Variants in RBFOX1 observed in about 807,000 individuals in gnomAD.
RBFOX1 encodes the protein RNA binding fox-1 homolog 1, also known as RNA binding protein fox-1 homolog 1.
RBFOX1 carries 8 observed loss-of-function variants against 57.7 expected under a neutral mutation model. The observed-to-expected ratio is 0.14, with a 90% CI of 0.08 to 0.25. The LOEUF (loss-of-function observed/expected upper bound fraction) is 0.25, where lower values mean the gene tolerates loss of function less well. Among genes scored for constraint, RBFOX1 ranks in the 10% least tolerant of loss-of-function variants. The pLI is 1.00. For missense variants in RBFOX1, 611 were observed against 548.5 expected, an observed-to-expected ratio of 1.11 and a Z score of -1.14; for synonymous variants, 326 against 222.4, an observed-to-expected ratio of 1.47 and a Z score of -4.15.
At chr16:7,627,980 C>T (rs1285426298) in intron 10 of RBFOX1, among the ~76,000 whole-genome samples, 1 of 151,386 alleles carries the variant, frequency 6.6e-6, no homozygotes, top group Non-Finnish European at 1.5e-5. Flanking sequence ...TTCTCAGAAT[C>T]CACAGCATTA....
intron 14 of RBFOX1, among the ~76,000 whole-genome samples, chr16:7,685,350 C>T (rs780815241): frequency 1.3e-5 from 2 of 152,138 alleles, no homozygotes; most frequent in African/African-American, 2.4e-5. Context: ...TGAGTGACTT[C>T]TTCCCTCTCC....
intron 11 of RBFOX1, 31 bp from the exon 12 acceptor site, chr16:7,653,784 C>T: frequency 8.6e-7 from 1 of 1,167,084 alleles, no homozygotes. Flanking sequence ...ACAGCCTGTG[C>T]TCTCTCTCTC....
At chr16:5,664,408 C>T (rs1008681566) in intron 3 of RBFOX1, among the ~76,000 whole-genome samples, 7 of 152,076 alleles carry the variant, frequency 4.6e-5, no homozygotes, top group African/African-American at 1.4e-4. Flanking sequence ...ATTAGCTGGG[C>T]ACGGTGGTGT....
chr16:6,965,246 G>T (rs559621585), intron 3 of RBFOX1, among the ~76,000 whole-genome samples: 2 of 152,060 alleles, frequency 1.3e-5, no homozygotes, highest in Admixed American at 6.6e-5. Context: ...ACTCATTTGG[G>T]TGTAAAAAAT....
At chr16:5,544,787 A>C (rs1364748293) in intron 2 of RBFOX1, among the ~76,000 whole-genome samples, 1 of 152,112 alleles carries the variant, frequency 6.6e-6, no homozygotes, top group East Asian at 1.9e-4. Flanking sequence ...AAATTTGACA[A>C]AATGAATGAG....
chr16:5,982,447 G>C (rs979253204), intron 4 of RBFOX1, among the ~76,000 whole-genome samples: 42 of 151,904 alleles, frequency 2.8e-4, no homozygotes, highest in African/African-American at 9.9e-4. Flanking sequence ...GCTAATTTTT[G>C]TATTTTTTAG....
rs530420973 is a variant in RBFOX1, at chr16:6,700,655, T to C, written c.-16+46005T>C. 2.0e-5 allele frequency among the ~76,000 whole-genome samples: 3 copies of C among 152,134 alleles called. No individual in the cohort carries two copies. In the East Asian group the frequency reaches 5.8e-4, roughly 29 times the overall value. On this transcript the variant is annotated intron_variant, in intron 3 of 15. Transcript: ENST00000550418. ...CCTGGGCAACAAAAACGAAACTTCATCTCAAAAAATAATAATAATAATAAT... is the reference window on the plus strand; with the variant it reads ...CCTGGGCAACAAAAACGAAACTTCACCTCAAAAAATAATAATAATAATAAT...
chr16:5,664,987 C>G (rs1267474916), intron 3 of RBFOX1, among the ~76,000 whole-genome samples: 1 of 151,530 alleles, frequency 6.6e-6, no homozygotes, highest in East Asian at 1.9e-4. Context: ...TTCTGCCATT[C>G]AGGCTGGAGT....
chr16:6,852,628 G>A (rs144648819), intron 3 of RBFOX1, among the ~76,000 whole-genome samples: 2 of 152,114 alleles, frequency 1.3e-5, no homozygotes, highest in African/African-American at 4.8e-5. Context: ...GGAACTAGCT[G>A]TCTGGGAGAG....
At chr16:7,273,947 A>T (rs372919114) in intron 4 of RBFOX1, among the ~76,000 whole-genome samples, 1 of 152,200 alleles carries the variant, frequency 6.6e-6, no homozygotes, top group Non-Finnish European at 1.5e-5. Context: ...TTACTGGTCT[A>T]TAATACTTTT....
At chr16:6,501,143 T>A (rs189703134) in intron 2 of RBFOX1, among the ~76,000 whole-genome samples, 2,226 of 150,278 alleles carry the variant, frequency 0.015, 39 homozygotes, top group South Asian at 0.053. Flanking sequence ...TTTTTTTTTT[T>A]TTTTTTTTTA....
chr16:7,320,807 T>C (rs1486621050), intron 4 of RBFOX1, among the ~76,000 whole-genome samples: 1 of 152,252 alleles, frequency 6.6e-6, no homozygotes, highest in Non-Finnish European at 1.5e-5. Context: ...GTGGTTATAT[T>C]ACTTAGAGCA....
chr16:7,236,011 A>C (rs2093748098), intron 4 of RBFOX1, among the ~76,000 whole-genome samples: 1 of 152,206 alleles, frequency 6.6e-6, no homozygotes, highest in South Asian at 2.1e-4. Flanking sequence ...GAGAGATTTA[A>C]CTAGACCATG....
chr16:5,371,178 C>G (rs1261566863), intron 1 of RBFOX1, among the ~76,000 whole-genome samples: 1 of 151,600 alleles, frequency 6.6e-6, no homozygotes, highest in East Asian at 2.0e-4. Flanking sequence ...AAACTCCTGA[C>G]CTCAGGTGAT....
rs75419030 is a variant in RBFOX1 at position 5,439,504 on chromosome 16, C to G, written c.220-27712C>G. 9.1e-3 allele frequency among the ~76,000 whole-genome samples: 1,380 copies of G among 151,482 alleles called. 10 individuals are homozygous for G. Among genetic ancestry groups the G allele is most frequent in the Non-Finnish European group, 0.014 (968 of 67,920 alleles). On this transcript the variant is annotated intron_variant, in intron 1 of 2. Coordinates refer to the RBFOX1 transcript ENST00000585867. ...TTGGACTGGGTGGAACTGGAGAGAA[C>G]GAACAAATGCATGATAGGTATCTCG...
At chr16:6,397,209 GACAAGC>G (rs2092876016) in intron 2 of RBFOX1, among the ~76,000 whole-genome samples, 1 of 152,090 alleles carries the variant, frequency 6.6e-6, no homozygotes, top group Non-Finnish European at 1.5e-5. Context: ...AAAATATAAA[GACAAGC>G]ACACCTAGTA....
chr16:5,389,838 C>T (rs1026309964), intron 1 of RBFOX1, among the ~76,000 whole-genome samples: 2 of 151,914 alleles, frequency 1.3e-5, no homozygotes, highest in African/African-American at 4.8e-5. Flanking sequence ...GCTGGGATTA[C>T]AGGTGCCTGC....
At chr16:5,987,164 C>T (rs2099524) in intron 4 of RBFOX1, among the ~76,000 whole-genome samples, 79,627 of 152,080 alleles carry the variant, frequency 0.52, 21,337 homozygotes, top group Middle Eastern at 0.64. Flanking sequence ...TTACCAACTG[C>T]ATCTACTTTT....
At chr16:6,598,413 T>C (rs2097800765) in intron 2 of RBFOX1, among the ~76,000 whole-genome samples, 1 of 152,202 alleles carries the variant, frequency 6.6e-6, no homozygotes. Flanking sequence ...CAGTACAAAG[T>C]AAAAGTGTAA....
Sources: gnomAD v4.1 joint callset for allele counts (sites outside exome capture counted in the v4.1 genomes callset) on GRCh38, gnomAD v4.1.1 for gene constraint, MANE v1.5 for transcripts, NCBI Gene and HGNC (gene_info 2026-07-23, HGNC 2026-07-21) for gene names.